The following AGBL4 variants were observed in gnomAD, a reference collection of about 807,000 sequenced individuals.
AGBL4 encodes the protein AGBL carboxypeptidase 4, also known as cytosolic carboxypeptidase 6.
A neutral mutation model predicts 66.4 loss-of-function variants in AGBL4; 58 were observed. The observed-to-expected ratio is 0.87, with a 90% CI of 0.71 to 1.09. AGBL4 has a LOEUF of 1.09. Among genes scored for constraint, AGBL4 ranks in the 50% least tolerant of loss-of-function variants. The pLI is 0.00. For synonymous variants in AGBL4, 234 were observed against 222.9 expected, an observed-to-expected ratio of 1.05 and a Z score of -0.44; for missense variants, 579 against 631.0, an observed-to-expected ratio of 0.92 and a Z score of 0.88.
chr1:48,726,225 C>G (rs1026434580), intron 6 of AGBL4, among the ~76,000 whole-genome samples: 2 of 152,176 alleles, frequency 1.3e-5, no homozygotes, highest in Non-Finnish European at 2.9e-5. Flanking sequence ...CCCCCTTAAC[C>G]TAAAAGCACT....
intron 2 of AGBL4, among the ~76,000 whole-genome samples, chr1:49,806,612 G>T (rs1397353533): frequency 1.3e-5 from 2 of 152,174 alleles, no homozygotes; most frequent in East Asian, 3.8e-4. Context: ...AATACTAATG[G>T]TGTAACCAAG....
chr1:49,420,208 G>A (rs1007938112), intron 3 of AGBL4, among the ~76,000 whole-genome samples: 5 of 152,138 alleles, frequency 3.3e-5, no homozygotes, highest in African/African-American at 1.2e-4. Flanking sequence ...GAAACAGGCT[G>A]ATAAAGATGA....
intron 3 of AGBL4, among the ~76,000 whole-genome samples, chr1:49,264,600 C>T (rs992168251): frequency 1.3e-5 from 2 of 151,874 alleles, no homozygotes; most frequent in African/African-American, 2.4e-5. Context: ...GGCTGGAGTG[C>T]AGCGGCGCTA....
rs74570661 is a variant in AGBL4, at chr1:48,716,366, G to A, written c.635-53125C>T. On this transcript the variant is annotated intron_variant, in intron 6 of 13. Coordinates refer to ENST00000371839, the MANE Select transcript of AGBL4 (RefSeq NM_032785.4). ...CCATTATTACCCCACTGGCCTCAGC[G>A]TCCACATCTTCATAATGGGAATGAT... Among the ~76,000 whole-genome samples the A allele has an allele frequency of 7.2e-4, 110 of 152,032 alleles. 1 individual carries two copies. The East Asian group carries it at 0.02, about 27-fold the overall frequency.
At chr1:48,575,109 G>A (rs1644629843) in intron 11 of AGBL4, among the ~76,000 whole-genome samples, 1 of 152,154 alleles carries the variant, frequency 6.6e-6, no homozygotes, top group African/African-American at 2.4e-5. Context: ...GGGATCTCGG[G>A]CAGGGTAGTG....
chr1:49,553,793 T>C (rs1653166982), intron 3 of AGBL4, among the ~76,000 whole-genome samples: 1 of 152,218 alleles, frequency 6.6e-6, no homozygotes. Context: ...TTGTTCCCTT[T>C]TAAACACTTC....
At position 48,999,075 on chromosome 1, in the gene AGBL4, A is replaced by G. The variant is rs138656580; in HGVS notation, c.594+46509T>C. On this transcript the variant is annotated intron_variant, in intron 5 of 13. Transcript: ENST00000371839. Reference sequence around the variant, plus strand: ...TGTATGAGAGATGTCTTTCAAGGTAATGAGTTCCTTGTCAGTTCAGGTATG... The same window carrying G: ...TGTATGAGAGATGTCTTTCAAGGTAGTGAGTTCCTTGTCAGTTCAGGTATG... Among the ~76,000 whole-genome samples, 66 of 152,302 alleles carry G rather than the reference A, an allele frequency of 4.3e-4. 1 individual carries two copies. Among genetic ancestry groups the G allele is most frequent in the African/African-American group, 1.4e-3 (59 of 41,570 alleles).
rs139881937 is a variant in AGBL4, at chr1:48,635,093, C to G, written c.840-489G>C. Among the ~76,000 whole-genome samples, 519 of 152,348 alleles carry G rather than the reference C, an allele frequency of 3.4e-3. 2 individuals are homozygous for G. The highest frequency in any genetic ancestry group is 0.012 in the African/African-American group (496 of 41,588). The stretch of plus-strand genomic sequence containing the variant: ...TGAGTGTGGGCCAAGGTCCAGAGAA[C>G]TGTAATCATATTTTACCTGGTCTTC... On this transcript the variant is annotated intron_variant, in intron 8 of 13. Transcript: ENST00000371839.
At chr1:49,590,720 C>T (rs1644736439) in intron 3 of AGBL4, among the ~76,000 whole-genome samples, 1 of 152,012 alleles carries the variant, frequency 6.6e-6, no homozygotes, top group African/African-American at 2.4e-5. Flanking sequence ...AACCTTCCCA[C>T]AACTACTATT....
At chr1:49,885,075 G>A (rs1209714182) in intron 1 of AGBL4, among the ~76,000 whole-genome samples, 3 of 151,768 alleles carry the variant, frequency 2.0e-5, no homozygotes, top group African/African-American at 4.8e-5. Flanking sequence ...AGTTCATATT[G>A]GTCAAAGTGA....
chr1:48,543,394 CCA>C (rs1219159144), intron 11 of AGBL4, among the ~76,000 whole-genome samples: 56 of 148,360 alleles, frequency 3.8e-4, no homozygotes, highest in Non-Finnish European at 6.9e-4. Context: ...ATCCATCCAT[CCA>C]TCCATCCATC....
chr1:49,799,795 C>T (rs1010962363), intron 2 of AGBL4, among the ~76,000 whole-genome samples: 1 of 152,120 alleles, frequency 6.6e-6, no homozygotes, highest in Non-Finnish European at 1.5e-5. Flanking sequence ...GATCAATATA[C>T]ATTATCTCCT....
intron 3 of AGBL4, among the ~76,000 whole-genome samples, chr1:49,334,295 CCT>C (rs1557848315): frequency 2.6e-5 from 4 of 152,114 alleles, no homozygotes; most frequent in Non-Finnish European, 5.9e-5. Context: ...CAGGTCTAGT[CCT>C]TTTTCTACTA....
chr1:49,517,221 T>C (rs370719027), intron 3 of AGBL4, among the ~76,000 whole-genome samples: 5 of 151,362 alleles, frequency 3.3e-5, no homozygotes, highest in East Asian at 1.9e-4. Context: ...ATTGAACTAA[T>C]GTATCTAGTA....
chr1:49,726,793 T>C (rs1164674484), intron 2 of AGBL4, among the ~76,000 whole-genome samples: 2 of 152,220 alleles, frequency 1.3e-5, no homozygotes, highest in African/African-American at 4.8e-5. Context: ...CATCAATGTT[T>C]ATTCACTTAA....
At position 49,926,367 on chromosome 1, in the gene AGBL4, C is replaced by T. The variant is rs149105568; in HGVS notation, c.35-74849G>A. On this transcript the variant is annotated intron_variant, in intron 1 of 13. Coordinates refer to ENST00000371839, the MANE Select transcript of AGBL4 (RefSeq NM_032785.4). Reference sequence around the variant, plus strand: ...CAGAAACAGCTGCAGTGACCGAAAACTTAGATCACAATACCCAAGTCCCTT... The same window carrying T: ...CAGAAACAGCTGCAGTGACCGAAAATTTAGATCACAATACCCAAGTCCCTT... Among the ~76,000 whole-genome samples the T allele has an allele frequency of 6.2e-3, 946 of 152,262 alleles. 8 individuals carry two copies. Among genetic ancestry groups the T allele is most frequent in the South Asian group, 0.014 (69 of 4,832 alleles).
At chr1:48,838,871 A>T (rs1408420441) in intron 6 of AGBL4, among the ~76,000 whole-genome samples, 1 of 152,190 alleles carries the variant, frequency 6.6e-6, no homozygotes, top group Non-Finnish European at 1.5e-5. Context: ...TGGGCAAAAG[A>T]TCTGAATAGC....
intron 3 of AGBL4, among the ~76,000 whole-genome samples, chr1:49,569,577 C>T (rs1177934508): frequency 2.6e-5 from 4 of 152,008 alleles, no homozygotes; most frequent in African/African-American, 9.7e-5. Context: ...TAATATTTGC[C>T]TTTGACTTAT....
intron 6 of AGBL4, among the ~76,000 whole-genome samples, chr1:48,790,333 G>C (rs1645518037): frequency 6.6e-6 from 1 of 151,834 alleles, no homozygotes; most frequent in Non-Finnish European, 1.5e-5. Context: ...TGAAAAGACA[G>C]ACACAAATGA....
Sources: allele counts gnomAD v4.1 joint callset (sites outside exome capture counted in the v4.1 genomes callset), GRCh38; gene constraint gnomAD v4.1.1; transcripts MANE v1.5; gene names NCBI Gene and HGNC (gene_info 2026-07-23, HGNC 2026-07-21).